Variants in FAF1 observed in about 807,000 individuals in gnomAD.
FAF1 encodes the protein FAS-associated factor 1.
FAF1 carries 25 observed loss-of-function variants against 92.5 expected under a neutral mutation model. The ratio of observed to expected loss-of-function variants is 0.27; its 90% CI spans 0.20 to 0.38. FAF1 has a LOEUF of 0.38. Among genes scored for constraint, FAF1 ranks in the 10% least tolerant of loss-of-function variants. The pLI, the probability that FAF1 is intolerant of heterozygous loss-of-function variation, is 1.00. For missense variants in FAF1, 636 were observed against 793.3 expected (o/e 0.80, Z 2.38); for synonymous variants, 234 against 273.2 (o/e 0.86, Z 1.42).
chr1:50,857,410 C>T (rs1235479680), intron 2 of FAF1, among the ~76,000 whole-genome samples: 2 of 151,634 alleles, frequency 1.3e-5, no homozygotes, highest in East Asian at 3.9e-4. Flanking sequence ...TTTTGGTTTG[C>T]TTTGTAATAG....
At chr1:50,826,717 A>T (rs1241326790) in intron 2 of FAF1, among the ~76,000 whole-genome samples, 2 of 152,220 alleles carry the variant, frequency 1.3e-5, no homozygotes, top group African/African-American at 4.8e-5. Flanking sequence ...GAATATTATG[A>T]ACTTTATGCC....
rs1649738955 is a variant in FAF1, at chr1:50,559,157, AGGAGAATT to A, written c.1268+7912_1268+7919del. 7.2e-5 allele frequency among the ~76,000 whole-genome samples: 11 copies of A among 152,216 alleles called. No individual in the cohort carries two copies. In the South Asian group the frequency reaches 2.3e-3, roughly 32 times the overall value. ...CCCCAGCTACTTGGGAGGCTAAGAC[AGGAGAATT>A]GCTTGAACCCAGGAGGTGGAGTTTG... On this transcript the variant is annotated intron_variant, in intron 13 of 18. Coordinates refer to ENST00000396153, the MANE Select transcript of FAF1 (RefSeq NM_007051.3).
intron 9 of FAF1, among the ~76,000 whole-genome samples, chr1:50,593,350 A>C (rs1315711282): frequency 1.3e-5 from 2 of 152,218 alleles, no homozygotes; most frequent in Non-Finnish European, 2.9e-5. Flanking sequence ...AAGAAAATAA[A>C]TGAAGTGAAA....
intron 7 of FAF1, among the ~76,000 whole-genome samples, chr1:50,685,646 T>C (rs928669632): frequency 6.6e-6 from 1 of 152,224 alleles, no homozygotes; most frequent in Non-Finnish European, 1.5e-5. Flanking sequence ...AGCCAGGAGA[T>C]GCCATTTTCA....
intron 1 of FAF1, among the ~76,000 whole-genome samples, chr1:50,888,930 G>C (rs573653596): frequency 1.6e-4 from 24 of 152,286 alleles, no homozygotes; most frequent in African/African-American, 5.8e-4. Context: ...AATAGTTTCA[G>C]AAGGAATGGT....
chr1:50,647,799 C>T (rs1366304886), intron 8 of FAF1, among the ~76,000 whole-genome samples: 1 of 151,630 alleles, frequency 6.6e-6, no homozygotes, highest in East Asian at 1.9e-4. Context: ...CTTGTGGTGA[C>T]CCAGATGAAG....
intron 2 of FAF1, among the ~76,000 whole-genome samples, chr1:50,849,181 C>A (rs529609568): frequency 6.6e-6 from 1 of 151,524 alleles, no homozygotes; most frequent in African/African-American, 2.4e-5. Context: ...GCAGGAGAAT[C>A]GCTTGAACCC....
chr1:50,959,504 C>T (rs1645297947), intron 1 of FAF1, among the ~76,000 whole-genome samples: 1 of 152,140 alleles, frequency 6.6e-6, no homozygotes, highest in South Asian at 2.1e-4. Context: ...GGAAACACTA[C>T]ACATTCCACA....
At chr1:50,663,433 T>G (rs1265579012) in intron 7 of FAF1, among the ~76,000 whole-genome samples, 1 of 149,406 alleles carries the variant, frequency 6.7e-6, no homozygotes, top group Admixed American at 6.6e-5. Context: ...TTTTTTTTTT[T>G]GAGACAGAGT....
chr1:50,785,835 C>G (rs1661341145), intron 4 of FAF1, among the ~76,000 whole-genome samples: 3 of 151,984 alleles, frequency 2.0e-5, no homozygotes, highest in African/African-American at 7.3e-5. Context: ...ATGAAATATC[C>G]ACACTCCCAT....
At chr1:50,459,105 G>A (rs940984485) in intron 18 of FAF1, among the ~76,000 whole-genome samples, 2 of 151,976 alleles carry the variant, frequency 1.3e-5, no homozygotes, top group South Asian at 2.1e-4. Flanking sequence ...CTGAGTAGGT[G>A]GGACTACAGG....
chr1:50,769,405 A>T (rs935572576), intron 4 of FAF1, among the ~76,000 whole-genome samples: 1 of 152,196 alleles, frequency 6.6e-6, no homozygotes, highest in East Asian at 1.9e-4. Flanking sequence ...AACCATTCCA[A>T]ATGCTTGAGG....
At chr1:50,786,945 C>G (rs537942735) in intron 4 of FAF1, among the ~76,000 whole-genome samples, 1 of 152,254 alleles carries the variant, frequency 6.6e-6, no homozygotes, top group African/African-American at 2.4e-5. Flanking sequence ...AGTTTAACAG[C>G]TTTGCTTTCC....
intron 8 of FAF1, among the ~76,000 whole-genome samples, chr1:50,646,423 C>T (rs1654589043): frequency 6.6e-6 from 1 of 152,148 alleles, no homozygotes. Flanking sequence ...CAAATCGATC[C>T]TTTAGTTGTT....
intron 1 of FAF1, among the ~76,000 whole-genome samples, chr1:50,931,909 T>G: frequency 7.1e-6 from 1 of 140,466 alleles, no homozygotes; most frequent in African/African-American, 2.5e-5. Context: ...ATAATAATAA[T>G]AATAATAATA....
intron 2 of FAF1, among the ~76,000 whole-genome samples, chr1:50,804,266 GA>G (rs1194427428): frequency 6.6e-6 from 1 of 152,074 alleles, no homozygotes; most frequent in Non-Finnish European, 1.5e-5. Flanking sequence ...AAAAGTAACT[GA>G]AAAATCACAG....
intron 5 of FAF1, 90 bp downstream of exon 5, chr1:50,744,594 A>G (rs1659514382): frequency 1.2e-6 from 1 of 827,436 alleles, no homozygotes; most frequent in Non-Finnish European, 2.0e-6. Context: ...TGCCATATGT[A>G]ACAACATTAA....
intron 6 of FAF1, among the ~76,000 whole-genome samples, chr1:50,707,824 A>T (rs1657750095): frequency 1.3e-5 from 2 of 152,252 alleles, no homozygotes; most frequent in Admixed American, 1.3e-4. Flanking sequence ...GGCAAGAGTC[A>T]TTCATCTTTG....
At chr1:50,483,899 T>A (rs1352790983) in intron 17 of FAF1, among the ~76,000 whole-genome samples, 2 of 152,150 alleles carry the variant, frequency 1.3e-5, no homozygotes, top group Non-Finnish European at 2.9e-5. Flanking sequence ...AGAGCAGGTT[T>A]GGGTGGGGAG....
Sources: allele counts gnomAD v4.1 joint callset (sites outside exome capture counted in the v4.1 genomes callset), GRCh38; gene constraint gnomAD v4.1.1; transcripts MANE v1.5; gene names NCBI Gene and HGNC (gene_info 2026-07-23, HGNC 2026-07-21).